The following ATXN1 variants were observed in gnomAD, a reference collection of about 807,000 sequenced individuals.
ATXN1 encodes ataxin 1.
In ATXN1, 8 loss-of-function variants were observed where a neutral mutation model predicts 56.4. That is an observed-to-expected ratio of 0.14 (90% confidence interval 0.08 to 0.26). The LOEUF is 0.26. Ranked by LOEUF, ATXN1 falls within the 10% of genes least tolerant of loss-of-function variation. The probability of loss-of-function intolerance (pLI) is 1.00; values close to 1 mark genes in which losing one functional copy is unlikely to be tolerated. For missense variants in ATXN1, 987 were observed against 1,106.5 expected, an observed-to-expected ratio of 0.89 and a Z score of 1.53; for synonymous variants, 514 against 494.6, an observed-to-expected ratio of 1.04 and a Z score of -0.52.
intron 6 of ATXN1, among the ~76,000 whole-genome samples, chr6:16,432,184 T>G (rs1759298401): frequency 6.6e-6 from 1 of 152,228 alleles, no homozygotes. Flanking sequence ...TGGTTATTGC[T>G]GCATTTTGCT....
At position 16,603,646 on chromosome 6, in the gene ATXN1, A is replaced by G. The variant is rs1022399387; in HGVS notation, c.-488-17739T>C. Among the ~76,000 whole-genome samples, 3 of 152,276 alleles carry G rather than the reference A, an allele frequency of 2.0e-5. No individual in the cohort carries two copies. In the East Asian group the frequency reaches 5.8e-4, roughly 29 times the overall value. On this transcript the variant is annotated intron_variant, in intron 3 of 7. Coordinates refer to ENST00000436367, the MANE Select transcript of ATXN1 (RefSeq NM_001128164.2). ...AGTTGAATTTCAAAAATCAAATACA[A>G]AAACACTGGCAGAAGTTTAGAGAGG...
At chr6:16,440,649 A>AAAAAAGAAAAAAAAAG (rs56105499) in intron 6 of ATXN1, among the ~76,000 whole-genome samples, 15 of 113,700 alleles carry the variant, frequency 1.3e-4, no homozygotes, top group African/African-American at 5.5e-4. Flanking sequence ...TTAAAAAAAA[A>AAAAAAGAAAAAAAAAG]AAAGAAAAGA....
chr6:16,686,754 T>A (rs1758927429), intron 2 of ATXN1, among the ~76,000 whole-genome samples: 1 of 152,316 alleles, frequency 6.6e-6, no homozygotes, highest in African/African-American at 2.4e-5. Flanking sequence ...CTACACTTTT[T>A]AAAAATACAG....
chr6:16,552,028 G>C (rs1761928574), intron 4 of ATXN1, among the ~76,000 whole-genome samples: 1 of 152,198 alleles, frequency 6.6e-6, no homozygotes. Context: ...TAGGATGGTG[G>C]ACGTGTGCAT....
At chr6:16,402,227 C>T (rs144462044) in intron 6 of ATXN1, among the ~76,000 whole-genome samples, 116 of 131,322 alleles carry the variant, frequency 8.8e-4, no homozygotes, top group Middle Eastern at 4.6e-3. Flanking sequence ...CAAGACTTCT[C>T]GCCAACCACT....
chr6:16,504,868 G>T (rs1017381920), intron 5 of ATXN1, among the ~76,000 whole-genome samples: 1 of 152,120 alleles, frequency 6.6e-6, no homozygotes. Context: ...TTCTTACGAG[G>T]CTCAGGAGTC....
chr6:16,541,885 C>T (rs895393962), intron 4 of ATXN1, among the ~76,000 whole-genome samples: 1 of 152,180 alleles, frequency 6.6e-6, no homozygotes, highest in Non-Finnish European at 1.5e-5. Context: ...TGACATCTTG[C>T]CCCTGAGCAC....
intron 6 of ATXN1, among the ~76,000 whole-genome samples, chr6:16,452,690 C>T (rs1264960285): frequency 1.3e-5 from 2 of 152,148 alleles, no homozygotes; most frequent in South Asian, 4.1e-4. Flanking sequence ...TTTTAAGTAT[C>T]GACATAAACC....
chr6:16,380,715 G>A (rs548819147), intron 6 of ATXN1, among the ~76,000 whole-genome samples: 2 of 152,084 alleles, frequency 1.3e-5, no homozygotes, highest in African/African-American at 2.4e-5. Flanking sequence ...AGAGGGCCCC[G>A]TTACCTCAAA....
intron 6 of ATXN1, among the ~76,000 whole-genome samples, chr6:16,381,563 T>G (rs1581725660): frequency 6.6e-6 from 1 of 152,334 alleles, no homozygotes; most frequent in African/African-American, 2.4e-5. Flanking sequence ...TATAATGCCG[T>G]TTGTGTGTGA....
intron 6 of ATXN1, among the ~76,000 whole-genome samples, chr6:16,382,496 T>A (rs1758150165): frequency 6.6e-6 from 1 of 152,140 alleles, no homozygotes; most frequent in Non-Finnish European, 1.5e-5. Context: ...CTTGGAAGGT[T>A]TTGCTTTTTT....
intron 2 of ATXN1, among the ~76,000 whole-genome samples, chr6:16,727,143 T>C (rs770693588): frequency 3.9e-5 from 6 of 152,302 alleles, no homozygotes; most frequent in Admixed American, 1.3e-4. Flanking sequence ...CTGTTTTCTC[T>C]TTCTCTCCTC....
chr6:16,667,934 T>C (rs962809027), intron 2 of ATXN1, among the ~76,000 whole-genome samples: 31 of 152,180 alleles, frequency 2.0e-4, no homozygotes, highest in Non-Finnish European at 5.9e-5. Context: ...GCTCACTCTT[T>C]CCCCAAAGTG....
At chr6:16,448,513 A>T (rs1014507126) in intron 6 of ATXN1, among the ~76,000 whole-genome samples, 1 of 152,186 alleles carries the variant, frequency 6.6e-6, no homozygotes, top group Non-Finnish European at 1.5e-5. Flanking sequence ...ATTGAATCCT[A>T]AAACTTACTC....
Position 16,614,452 on chromosome 6 carries a change from C to T in ATXN1, c.-488-28545G>A, listed in dbSNP as rs563080784. On this transcript the variant is annotated intron_variant, in intron 3 of 7. Coordinates refer to ENST00000436367, the MANE Select transcript of ATXN1 (RefSeq NM_001128164.2). ...ACATACATCCTGAAAATCACAGCATCACCATTCAATAGACAAAAATTATCA... is the reference window on the plus strand; with the variant it reads ...ACATACATCCTGAAAATCACAGCATTACCATTCAATAGACAAAAATTATCA... Among the ~76,000 whole-genome samples, 7 of 151,960 alleles carry T rather than the reference C, an allele frequency of 4.6e-5. No homozygotes were observed. In the East Asian group the frequency reaches 1.4e-3, roughly 29 times the overall value.
chr6:16,317,447 C>G (rs1350344869), intron 7 of ATXN1, among the ~76,000 whole-genome samples: 1 of 152,012 alleles, frequency 6.6e-6, no homozygotes, highest in Non-Finnish European at 1.5e-5. Context: ...GCCTCAGCCT[C>G]CCAAGTAGCT....
intron 3 of ATXN1, among the ~76,000 whole-genome samples, chr6:16,635,600 T>G (rs1339497244): frequency 1.3e-5 from 2 of 152,216 alleles, no homozygotes; most frequent in African/African-American, 4.8e-5. Context: ...AAACCTACAC[T>G]GCTGCTGCCG....
intron 4 of ATXN1, among the ~76,000 whole-genome samples, chr6:16,556,863 T>C (rs1350806376): frequency 6.6e-6 from 1 of 152,202 alleles, no homozygotes; most frequent in Non-Finnish European, 1.5e-5. Context: ...GCAAGTCAAT[T>C]GAACAACTTA....
chr6:16,696,784 C>T (rs577061114), intron 2 of ATXN1, among the ~76,000 whole-genome samples: 9 of 152,204 alleles, frequency 5.9e-5, no homozygotes, highest in South Asian at 4.2e-4. Context: ...CCAGCTTAGG[C>T]GACCTGAGAG....
Sources: allele counts gnomAD v4.1 joint callset (sites outside exome capture counted in the v4.1 genomes callset), GRCh38; gene constraint gnomAD v4.1.1; transcripts MANE v1.5; gene names NCBI Gene and HGNC (gene_info 2026-07-23, HGNC 2026-07-21).